The following PSD3 variants were observed in gnomAD, a reference collection of about 807,000 sequenced individuals.
PSD3 encodes pleckstrin and Sec7 domain containing 3.
A neutral mutation model predicts 105.5 loss-of-function variants in PSD3; 49 were observed. That is an observed-to-expected ratio of 0.46 (90% CI 0.37 to 0.59). The LOEUF is 0.59. Among genes scored for constraint, PSD3 ranks in the 20% least tolerant of loss-of-function variants. The probability of loss-of-function intolerance (pLI) is 0.00; values close to 1 mark genes in which losing one functional copy is unlikely to be tolerated. For synonymous variants in PSD3, 557 were observed against 457.8 expected (o/e 1.22, Z -2.77); for missense variants, 1,561 against 1,263.8 (o/e 1.24, Z -3.57).
At position 18,804,548 on chromosome 8, in the gene PSD3, T is replaced by C. The variant is rs1462378987; in HGVS notation, c.1884A>G (p.Thr628=). The C allele has an allele frequency of 1.9e-6, 3 of 1,613,186 alleles. No homozygotes were observed. The African/African-American group carries it at 4.0e-5, about 22-fold the overall frequency. The change falls in exon 6 of 16, where the codon ACA becomes ACG. Residue 628 remains threonine, a synonymous_variant. Coordinates refer to ENST00000327040, the MANE Select transcript of PSD3 (RefSeq NM_015310.4). ...AEEYLKFFDF[T]GMTLDQSLRY... is the part of the protein sequence containing the mutation. ...TGAGTGACTGATCCAGCGTCATTCC[T>C]GTAAAATCAAAAAACTTCAGATATT...
chr8:18,688,515 G>C (rs1298121613), intron 9 of PSD3, among the ~76,000 whole-genome samples: 1 of 152,162 alleles, frequency 6.6e-6, no homozygotes, highest in African/African-American at 2.4e-5. Context: ...GTATCATATT[G>C]TAACAGGGTC....
chr8:18,913,284 T>C (rs1190214425), intron 2 of PSD3, among the ~76,000 whole-genome samples: 1 of 152,142 alleles, frequency 6.6e-6, no homozygotes, highest in African/African-American at 2.4e-5. Flanking sequence ...AAGTTTCCCT[T>C]CTCTATCTCG....
At chr8:18,554,824 A>T (rs1379944876) in intron 15 of PSD3, among the ~76,000 whole-genome samples, 4 of 152,168 alleles carry the variant, frequency 2.6e-5, no homozygotes, top group Non-Finnish European at 5.9e-5. Context: ...CAGGTTTTTC[A>T]TAGGAGGAAT....
At chr8:19,007,996 C>G (rs1416552984) in intron 1 of PSD3, among the ~76,000 whole-genome samples, 1 of 152,176 alleles carries the variant, frequency 6.6e-6, no homozygotes, top group Non-Finnish European at 1.5e-5. Flanking sequence ...GCACCTGCCA[C>G]CATGCCCAGC....
At chr8:18,572,498 C>G (rs767797381) in intron 14 of PSD3, 30 bp downstream of exon 14, 1 of 1,593,402 alleles carries the variant, frequency 6.3e-7, no homozygotes, top group South Asian at 1.1e-5. Context: ...GTACTTTTTC[C>G]CAAGGTCAAA....
intron 4 of PSD3, among the ~76,000 whole-genome samples, chr8:18,811,957 A>C (rs1263012195): frequency 6.6e-6 from 1 of 152,240 alleles, no homozygotes; most frequent in Non-Finnish European, 1.5e-5. Context: ...CAGTCATTTG[A>C]AAAAACAATA....
At chr8:19,004,449 A>G (rs1057479161) in intron 1 of PSD3, among the ~76,000 whole-genome samples, 1 of 152,134 alleles carries the variant, frequency 6.6e-6, no homozygotes, top group Non-Finnish European at 1.5e-5. Context: ...TGTTTAAGAT[A>G]AAGAACTTCA....
chr8:18,694,182 T>C (rs1236709017), intron 9 of PSD3, among the ~76,000 whole-genome samples: 2 of 152,206 alleles, frequency 1.3e-5, no homozygotes, highest in Non-Finnish European at 2.9e-5. Context: ...AAAATGTTCC[T>C]GGTCCCTTCA....
At chr8:18,677,332 C>T (rs546408242) in intron 9 of PSD3, among the ~76,000 whole-genome samples, 2 of 152,232 alleles carry the variant, frequency 1.3e-5, no homozygotes, top group South Asian at 4.1e-4. Flanking sequence ...AATGCCAGCA[C>T]TTTTGGAGGC....
At chr8:18,665,006 C>T (rs371603187) in intron 9 of PSD3, among the ~76,000 whole-genome samples, 3 of 152,312 alleles carry the variant, frequency 2.0e-5, no homozygotes, top group East Asian at 3.9e-4. Context: ...TAACAGAGCA[C>T]CTCGTCACCC....
At chr8:18,914,004 C>A (rs893957528) in intron 2 of PSD3, among the ~76,000 whole-genome samples, 1 of 152,074 alleles carries the variant, frequency 6.6e-6, no homozygotes. Context: ...CCGGGCCCAT[C>A]AGAGTAAACC....
At chr8:18,992,994 A>C (rs1223534972) in intron 1 of PSD3, among the ~76,000 whole-genome samples, 1 of 152,216 alleles carries the variant, frequency 6.6e-6, no homozygotes. Context: ...AGAAATAGAC[A>C]CCTCATCCAA....
chr8:18,933,705 T>C (rs1821895194), intron 2 of PSD3, among the ~76,000 whole-genome samples: 1 of 152,214 alleles, frequency 6.6e-6, no homozygotes, highest in South Asian at 2.1e-4. Flanking sequence ...TGACCTCTGG[T>C]GATCCATCCG....
intron 12 of PSD3, among the ~76,000 whole-genome samples, chr8:18,578,489 T>A (rs1454213517): frequency 6.6e-6 from 1 of 152,106 alleles, no homozygotes; most frequent in East Asian, 1.9e-4. Context: ...TTTTGCTATC[T>A]CTTCTTCTTC....
intron 9 of PSD3, among the ~76,000 whole-genome samples, chr8:18,724,921 G>C (rs1426029960): frequency 6.6e-6 from 1 of 152,148 alleles, no homozygotes; most frequent in Non-Finnish European, 1.5e-5. Flanking sequence ...ATGTGGAATG[G>C]GCAGGTGGGC....
chr8:18,678,731 G>A (rs969983889), intron 9 of PSD3, among the ~76,000 whole-genome samples: 5 of 152,022 alleles, frequency 3.3e-5, no homozygotes, highest in African/African-American at 7.2e-5. Context: ...GGAATCGCTC[G>A]AATCTGGGAG....
intron 10 of PSD3, among the ~76,000 whole-genome samples, chr8:18,641,702 A>T (rs1345317067): frequency 6.6e-6 from 1 of 152,202 alleles, no homozygotes; most frequent in Non-Finnish European, 1.5e-5. Context: ...AAAGCAGTTT[A>T]AAAAATAAAG....
intron 1 of PSD3, among the ~76,000 whole-genome samples, chr8:19,028,328 T>A (rs563095658): frequency 7.2e-6 from 1 of 138,902 alleles, no homozygotes; most frequent in African/African-American, 2.7e-5. Context: ...GTTGGAAGAT[T>A]GTGAAGATTG....
intron 9 of PSD3, among the ~76,000 whole-genome samples, chr8:18,679,918 A>T (rs1800285959): frequency 1.3e-5 from 2 of 152,206 alleles, no homozygotes; most frequent in South Asian, 4.1e-4. Context: ...AATCTCTAGC[A>T]TCATGCTTAT....
Sources: allele counts gnomAD v4.1 joint callset (sites outside exome capture counted in the v4.1 genomes callset), GRCh38; gene constraint gnomAD v4.1.1; transcripts MANE v1.5; gene names NCBI Gene and HGNC (gene_info 2026-07-23, HGNC 2026-07-21).